SDK1: variants seen among roughly 807,000 people sequenced by gnomAD.
SDK1 encodes sidekick cell adhesion molecule 1.
SDK1 carries 157 observed loss-of-function variants against 245.5 expected under a neutral mutation model. That is an observed-to-expected ratio of 0.64 (90% confidence interval 0.56 to 0.73). SDK1 has a LOEUF of 0.73. Ranked by LOEUF, SDK1 falls within the 30% of genes least tolerant of loss-of-function variation. The pLI is 0.00. For synonymous variants in SDK1, 1,647 were observed against 1,278.5 expected, an observed-to-expected ratio of 1.29 and a Z score of -6.15; for missense variants, 3,583 against 3,002.3, an observed-to-expected ratio of 1.19 and a Z score of -4.52.
intron 17 of SDK1, among the ~76,000 whole-genome samples, chr7:4,049,069 G>T (rs1789242704): frequency 6.6e-6 from 1 of 152,160 alleles, no homozygotes; most frequent in Non-Finnish European, 1.5e-5. Flanking sequence ...CGTCCGTCTT[G>T]GAACCACAGG....
intron 1 of SDK1, chr7:3,338,047 C>T (rs372016848): frequency 1.5e-4 from 26 of 168,252 alleles, no homozygotes; most frequent in African/African-American, 2.1e-4. Flanking sequence ...ATATATGCCG[C>T]GGAAATATTT....
intron 19 of SDK1, among the ~76,000 whole-genome samples, chr7:4,059,314 A>G (rs1213801722): frequency 2.0e-5 from 3 of 152,240 alleles, no homozygotes; most frequent in Non-Finnish European, 2.9e-5. Flanking sequence ...CTTAGATAAA[A>G]TACTTTAAGT....
rs182824537 is a variant in SDK1, at chr7:4,177,978, C to T, written c.4997-507C>T. On this transcript the variant is annotated intron_variant, in intron 34 of 44. Coordinates refer to ENST00000404826, the MANE Select transcript of SDK1 (RefSeq NM_152744.4). ...GCCAGGTTGTGCAAGGCATAAGGAG[C>T]ACGCAACCTAGATCCCTCGCACGCG... Among the ~76,000 whole-genome samples the T allele has an allele frequency of 3.8e-3, 575 of 152,210 alleles. 2 individuals are homozygous for T. The highest frequency in any genetic ancestry group is 9.5e-3 in the African/African-American group (394 of 41,566).
At chr7:3,699,941 T>C (rs937188287) in intron 4 of SDK1, among the ~76,000 whole-genome samples, 1 of 152,148 alleles carries the variant, frequency 6.6e-6, no homozygotes, top group Non-Finnish European at 1.5e-5. Context: ...AAAAAAATTC[T>C]AAATGCAGCC....
chr7:4,211,987 C>T (rs1285470904), intron 38 of SDK1, among the ~76,000 whole-genome samples: 2 of 152,160 alleles, frequency 1.3e-5, no homozygotes, highest in Non-Finnish European at 2.9e-5. Context: ...CCAAAGATTC[C>T]GGTCTGGGAG....
intron 1 of SDK1, among the ~76,000 whole-genome samples, chr7:3,455,381 C>CTT (rs200085335): frequency 2.8e-5 from 4 of 140,654 alleles, no homozygotes; most frequent in African/African-American, 5.2e-5. Flanking sequence ...ATTTTCTTTC[C>CTT]TTTTTTTTTT....
chr7:3,617,109 C>G (rs139352214), intron 1 of SDK1, among the ~76,000 whole-genome samples: 172 of 152,178 alleles, frequency 1.1e-3, no homozygotes, highest in African/African-American at 3.9e-3. Context: ...ATGATGACAT[C>G]TATGTTATAG....
At chr7:3,840,054 G>A (rs7778705) in intron 5 of SDK1, among the ~76,000 whole-genome samples, 47,724 of 152,062 alleles carry the variant, frequency 0.31, 9,871 homozygotes, top group African/African-American at 0.59. Context: ...CCCTCCGTAT[G>A]ATAGAAAAGA....
At chr7:3,474,286 G>A (rs1417236742) in intron 1 of SDK1, among the ~76,000 whole-genome samples, 1 of 151,434 alleles carries the variant, frequency 6.6e-6, no homozygotes, top group African/African-American at 2.4e-5. Flanking sequence ...AGTAGAGACG[G>A]GGTTTCACCA....
intron 1 of SDK1, among the ~76,000 whole-genome samples, chr7:3,504,445 G>A (rs1447953596): frequency 6.6e-6 from 1 of 151,998 alleles, no homozygotes; most frequent in Non-Finnish European, 1.5e-5. Context: ...AGATGCTGTG[G>A]TACTGGCATA....
At chr7:3,442,416 A>G (rs192021273) in intron 1 of SDK1, among the ~76,000 whole-genome samples, 1 of 152,342 alleles carries the variant, frequency 6.6e-6, no homozygotes, top group African/African-American at 2.4e-5. Flanking sequence ...TAACTGGGTC[A>G]TTGCAAATTA....
intron 1 of SDK1, among the ~76,000 whole-genome samples, chr7:3,565,455 G>C (rs1393541222): frequency 6.6e-6 from 1 of 152,122 alleles, no homozygotes; most frequent in Non-Finnish European, 1.5e-5. Context: ...GTGCTATCCA[G>C]GAAGTAAAGC....
chr7:3,532,604 A>G (rs1034984361), intron 1 of SDK1, among the ~76,000 whole-genome samples: 1 of 152,184 alleles, frequency 6.6e-6, no homozygotes, highest in South Asian at 2.1e-4. Context: ...TTTTCCTACT[A>G]TAACTGTCAT....
At chr7:3,952,819 G>T (rs1169685239) in intron 7 of SDK1, among the ~76,000 whole-genome samples, 1 of 152,156 alleles carries the variant, frequency 6.6e-6, no homozygotes, top group Non-Finnish European at 1.5e-5. Context: ...AACTATTAGT[G>T]TTTAGGGAGT....
At chr7:3,820,042 C>G (rs7803784) in intron 4 of SDK1, among the ~76,000 whole-genome samples, 20,420 of 152,104 alleles carry the variant, frequency 0.13, 2,531 homozygotes, top group African/African-American at 0.33. Flanking sequence ...AGATGTTTCT[C>G]TTGTTTTTGA....
At chr7:4,060,774 G>T (rs1203182125) in intron 19 of SDK1, among the ~76,000 whole-genome samples, 5 of 152,152 alleles carry the variant, frequency 3.3e-5, no homozygotes, top group Non-Finnish European at 7.3e-5. Flanking sequence ...TATGGTTTTA[G>T]GTCTAACGTT....
At chr7:3,576,685 G>T (rs544105137) in intron 1 of SDK1, among the ~76,000 whole-genome samples, 1 of 152,112 alleles carries the variant, frequency 6.6e-6, no homozygotes, top group East Asian at 1.9e-4. Context: ...CTTATGCATG[G>T]TGTGTATGTG....
intron 1 of SDK1, among the ~76,000 whole-genome samples, chr7:3,460,371 A>G (rs187703467): frequency 3.9e-4 from 59 of 152,322 alleles, no homozygotes; most frequent in African/African-American, 1.4e-3. Context: ...TTGGAATGTG[A>G]GTCAATATCT....
At chr7:3,750,383 T>C (rs1271695258) in intron 4 of SDK1, among the ~76,000 whole-genome samples, 1 of 152,222 alleles carries the variant, frequency 6.6e-6, no homozygotes, top group East Asian at 1.9e-4. Context: ...AATTTATAAT[T>C]TATATGCACT....
Sources: allele counts gnomAD v4.1 joint callset (sites outside exome capture counted in the v4.1 genomes callset), GRCh38; gene constraint gnomAD v4.1.1; transcripts MANE v1.5; gene names NCBI Gene and HGNC (gene_info 2026-07-23, HGNC 2026-07-21).